The following MPHOSPH8 variants were observed in gnomAD, a reference collection of about 807,000 sequenced individuals.
MPHOSPH8 encodes the protein M-phase phosphoprotein, mpp.
MPHOSPH8 carries 45 observed loss-of-function variants against 87.3 expected under a neutral mutation model. The ratio of observed to expected loss-of-function variants is 0.52; its 90% CI spans 0.41 to 0.66. MPHOSPH8 has a LOEUF of 0.66. MPHOSPH8 is among the 30% of genes least tolerant of loss of function. The pLI is 0.00. For synonymous variants in MPHOSPH8, 366 were observed against 376.9 expected (o/e 0.97, Z 0.33); for missense variants, 883 against 1,020.2 (o/e 0.87, Z 1.83).
intron 5 of MPHOSPH8, among the ~76,000 whole-genome samples, chr13:19,657,145 C>T (rs1875234585): frequency 9.0e-6 from 1 of 110,904 alleles, no homozygotes; most frequent in Non-Finnish European, 1.9e-5. Flanking sequence ...AAAAAAAAGG[C>T]CTGTATGGAG....
intron 5 of MPHOSPH8, among the ~76,000 whole-genome samples, chr13:19,654,228 AAAACT>A (rs1875027654): frequency 6.6e-6 from 1 of 152,214 alleles, no homozygotes; most frequent in South Asian, 2.1e-4. Context: ...ACAAGAACAG[AAAACT>A]AAACACACAC....
chr13:19,666,655 T>C, intron 10 of MPHOSPH8, 76 bp downstream of exon 10: 1 of 1,369,958 alleles, frequency 7.3e-7, no homozygotes, highest in Non-Finnish European at 9.8e-7. Context: ...ATAATTGGAG[T>C]GGCCTGTGTG....
chr13:19,647,324 G>A (rs754716247), intron 3 of MPHOSPH8, 33 bp downstream of exon 3: 51 of 1,535,378 alleles, frequency 3.3e-5, no homozygotes, highest in Non-Finnish European at 8.8e-7. Context: ...GAAAACCCAT[G>A]TTGAGTGGTC....
chr13:19,661,627 G>T, intron 7 of MPHOSPH8, 71 bp from the exon 8 acceptor site: 1 of 1,462,164 alleles, frequency 6.8e-7, no homozygotes, highest in Non-Finnish European at 9.2e-7. Context: ...AACATCTCGA[G>T]TGAGAAGACT....
chr13:19,642,064 T>A, intron 1 of MPHOSPH8, 51 bp from the exon 2 acceptor site: 1 of 906,824 alleles, frequency 1.1e-6, no homozygotes, highest in Non-Finnish European at 1.5e-6. Context: ...TTTGGAAATT[T>A]AATCAAGTTA....
At chr13:19,643,700 A>G (rs1246448933) in intron 2 of MPHOSPH8, among the ~76,000 whole-genome samples, 1 of 152,086 alleles carries the variant, frequency 6.6e-6, no homozygotes, top group East Asian at 1.9e-4. Context: ...TTTATTCAAC[A>G]TGTTACTATT....
intron 7 of MPHOSPH8, among the ~76,000 whole-genome samples, chr13:19,661,350 A>C (rs866658614): frequency 6.6e-6 from 1 of 152,386 alleles, no homozygotes; most frequent in South Asian, 2.1e-4. Context: ...AAATGAGCAC[A>C]TGCTGTGGGG....
At chr13:19,666,329 C>G in intron 9 of MPHOSPH8, 96 bp from the exon 10 acceptor site, 3 of 1,302,260 alleles carry the variant, frequency 2.3e-6, no homozygotes, top group Non-Finnish European at 3.2e-6. Context: ...CCTGTGCCCT[C>G]TCTTCACAGA....
chr13:19,641,826 G>T (rs1021387908), intron 1 of MPHOSPH8, among the ~76,000 whole-genome samples: 1 of 151,918 alleles, frequency 6.6e-6, no homozygotes, highest in Non-Finnish European at 1.5e-5. Flanking sequence ...TAGAGACAAG[G>T]TTTCACCATG....
chr13:19,662,108 TC>T (rs1212524756), intron 8 of MPHOSPH8, among the ~76,000 whole-genome samples: 1 of 151,698 alleles, frequency 6.6e-6, no homozygotes, highest in African/African-American at 2.4e-5. Flanking sequence ...CCGGCTAATT[TC>T]TTTGTATTTT....
At chr13:19,654,533 G>A (rs1875044113) in intron 5 of MPHOSPH8, among the ~76,000 whole-genome samples, 1 of 152,106 alleles carries the variant, frequency 6.6e-6, no homozygotes, top group African/African-American at 2.4e-5. Flanking sequence ...AAGTCAGATG[G>A]GTTTCTCAAA....
chr13:19,635,146 G>C (rs962367858), intron 1 of MPHOSPH8, among the ~76,000 whole-genome samples: 4 of 152,190 alleles, frequency 2.6e-5, no homozygotes, highest in African/African-American at 7.2e-5. Context: ...AGCACTTTGA[G>C]GTGAAAGGAT....
intron 5 of MPHOSPH8, among the ~76,000 whole-genome samples, chr13:19,652,814 G>A (rs546093101): frequency 6.6e-6 from 1 of 152,244 alleles, no homozygotes; most frequent in African/African-American, 2.4e-5. Context: ...CAAAGCCTCC[G>A]GGATGTTCGA....
chr13:19,670,302 G>A lies in MPHOSPH8; in HGVS notation c.2396G>A (p.Cys799Tyr), dbSNP rs1441648409. 1.2e-6 allele frequency: 2 copies of A among 1,614,164 alleles called. No individual in the cohort carries two copies. The highest frequency in any genetic ancestry group is 1.7e-6 in the Non-Finnish European group (2 of 1,179,984). The change falls in exon 12 of 14, where the codon TGT becomes TAT. Residue 799 changes from cysteine to tyrosine, a missense_variant. Around this residue, in one of 3 missense-constraint regions of MPHOSPH8, gnomAD observed 741 missense variants for 841.5 expected, o/e 0.88. Coordinates refer to ENST00000361479, the MANE Select transcript of MPHOSPH8 (RefSeq NM_017520.4). ...GGTAAAGAAGTTATTGCTCGGCTCT[G>A]TGGACCGTGTAGTGTACAAGCTGTA... ...FLGKEVIARL[C>Y]GPCSVQAVVL...
Position 19,672,475 on chromosome 13 carries a change from T to G in MPHOSPH8, c.*600T>G, listed in dbSNP as rs1290874630. The G allele has an allele frequency of 6.9e-6, 1 of 145,580 alleles. No homozygotes were observed. The highest frequency in any genetic ancestry group is 7.0e-5 in the Admixed American group (1 of 14,260). 9.0% of individuals were successfully genotyped at this position (145,580 alleles called of 1,614,324 possible). A position where few individuals can be genotyped will look rare whatever the true frequency, so the allele number is the denominator to read the frequency against. On this transcript the variant is annotated 3_prime_UTR_variant, in exon 14 of 14. Transcript: ENST00000361479. Reference sequence around the variant, plus strand: ...ATTTTCTTAACTTGAAATTTTCTACTAGCCCTGGTGAACTTCTGTGCTTAA... The same window carrying G: ...ATTTTCTTAACTTGAAATTTTCTACGAGCCCTGGTGAACTTCTGTGCTTAA...
intron 1 of MPHOSPH8, among the ~76,000 whole-genome samples, chr13:19,635,558 A>G (rs917591209): frequency 6.6e-6 from 1 of 152,166 alleles, no homozygotes; most frequent in African/African-American, 2.4e-5. Context: ...GGCTAGAAGG[A>G]TAAAATCTTT....
At chr13:19,634,725 C>G (rs1873901503) in intron 1 of MPHOSPH8, among the ~76,000 whole-genome samples, 1 of 152,172 alleles carries the variant, frequency 6.6e-6, no homozygotes, top group African/African-American at 2.4e-5. Context: ...GGCATTTAAG[C>G]CATTATCGTT....
chr13:19,664,646 G>A (rs1875717785), intron 9 of MPHOSPH8, among the ~76,000 whole-genome samples: 3 of 152,198 alleles, frequency 2.0e-5, no homozygotes, highest in Admixed American at 2.0e-4. Flanking sequence ...GGAGTGGCAG[G>A]AGGGATGGAG....
intron 5 of MPHOSPH8, among the ~76,000 whole-genome samples, chr13:19,654,857 A>G (rs1875062953): frequency 6.6e-6 from 1 of 152,140 alleles, no homozygotes; most frequent in African/African-American, 2.4e-5. Context: ...TTGAGGCAGG[A>G]GAATCGCTTG....
Sources: allele counts gnomAD v4.1 joint callset (sites outside exome capture counted in the v4.1 genomes callset), GRCh38; gene constraint gnomAD v4.1.1; regional missense constraint gnomAD v4.1.1; transcripts MANE v1.5; gene names NCBI Gene and HGNC (gene_info 2026-07-23, HGNC 2026-07-21).